TBC1D4: variants seen among roughly 807,000 people sequenced by gnomAD.
TBC1D4 encodes TBC (Tre-2, BUB2, CDC16) domain-containing protein.
A neutral mutation model predicts 142.5 loss-of-function variants in TBC1D4; 121 were observed. The observed-to-expected ratio is 0.85, with a 90% CI of 0.73 to 0.99. TBC1D4 has a LOEUF of 0.99. Ranked by LOEUF, TBC1D4 falls within the 50% of genes least tolerant of loss-of-function variation. The pLI is 0.00. For missense variants in TBC1D4, 1,475 were observed against 1,606.6 expected, an observed-to-expected ratio of 0.92 and a Z score of 1.40; for synonymous variants, 630 against 628.2, an observed-to-expected ratio of 1.00 and a Z score of -0.04.
intron 1 of TBC1D4, among the ~76,000 whole-genome samples, chr13:75,442,643 G>C (rs1887091387): frequency 6.6e-6 from 1 of 152,002 alleles, no homozygotes; most frequent in Non-Finnish European, 1.5e-5. Context: ...GCTGGGCGTG[G>C]TGGTGCACAC....
intron 1 of TBC1D4, among the ~76,000 whole-genome samples, chr13:75,432,850 G>A (rs187744124): frequency 6.6e-6 from 1 of 151,570 alleles, no homozygotes; most frequent in Non-Finnish European, 1.5e-5. Context: ...TGCCTGTCTG[G>A]AGAATGTCGT....
chr13:75,349,494 T>A (rs1331915792), intron 4 of TBC1D4, among the ~76,000 whole-genome samples, 192 bp from the exon 5 acceptor site: 2 of 152,222 alleles, frequency 1.3e-5, no homozygotes, highest in African/African-American at 4.8e-5. Flanking sequence ...GAAAGCTGGA[T>A]GAAGTAAGAT....
At chr13:75,354,585 A>C (rs1881882784) in intron 4 of TBC1D4, among the ~76,000 whole-genome samples, 1 of 152,158 alleles carries the variant, frequency 6.6e-6, no homozygotes, top group South Asian at 2.1e-4. Flanking sequence ...GGTATATGAT[A>C]GTTTTTAGAA....
At chr13:75,387,645 A>C (rs2138284972) in intron 1 of TBC1D4, among the ~76,000 whole-genome samples, 1 of 152,368 alleles carries the variant, frequency 6.6e-6, no homozygotes, top group East Asian at 1.9e-4. Flanking sequence ...AGTGACAAAC[A>C]GAAGTTTTTC....
At chr13:75,445,398 T>C (rs1887233776) in intron 1 of TBC1D4, among the ~76,000 whole-genome samples, 1 of 152,226 alleles carries the variant, frequency 6.6e-6, no homozygotes, top group African/African-American at 2.4e-5. Flanking sequence ...GATACTCAAA[T>C]ATGAATTAGC....
intron 10 of TBC1D4, 100 bp downstream of exon 10, chr13:75,326,096 AG>A: frequency 7.4e-7 from 1 of 1,349,660 alleles, no homozygotes; most frequent in Non-Finnish European, 1.0e-6. Context: ...CAAAACTAAA[AG>A]TTGGCTACAG....
chr13:75,319,072 G>A (rs911024845), intron 12 of TBC1D4, among the ~76,000 whole-genome samples: 3 of 152,104 alleles, frequency 2.0e-5, no homozygotes, highest in Non-Finnish European at 4.4e-5. Flanking sequence ...ATTTCCATTA[G>A]GCTTTTAAGA....
At chr13:75,313,929 T>TC (rs1878034408) in intron 12 of TBC1D4, among the ~76,000 whole-genome samples, 1 of 152,288 alleles carries the variant, frequency 6.6e-6, no homozygotes, top group East Asian at 1.9e-4. Context: ...GTATAGAAAT[T>TC]CCCCAACTTA....
At chr13:75,412,660 T>C (rs943530829) in intron 1 of TBC1D4, among the ~76,000 whole-genome samples, 5 of 152,116 alleles carry the variant, frequency 3.3e-5, no homozygotes, top group Non-Finnish European at 7.3e-5. Context: ...ATAAACTAAA[T>C]TGATTCCACA....
chr13:75,386,878 T>C (rs1403876725), intron 1 of TBC1D4, among the ~76,000 whole-genome samples: 1 of 152,184 alleles, frequency 6.6e-6, no homozygotes. Flanking sequence ...ATCTCCTTTT[T>C]GTGCTTGAAA....
At chr13:75,373,212 A>G (rs1052239423) in intron 1 of TBC1D4, among the ~76,000 whole-genome samples, 6 of 152,212 alleles carry the variant, frequency 3.9e-5, no homozygotes, top group Non-Finnish European at 8.8e-5. Flanking sequence ...CACATTTCTC[A>G]GAAACCTATT....
intron 7 of TBC1D4, 62 bp from the exon 8 acceptor site, chr13:75,337,102 A>G: frequency 2.0e-6 from 3 of 1,491,958 alleles, no homozygotes; most frequent in Non-Finnish European, 2.8e-6. Flanking sequence ...TGAAACTTTA[A>G]TTATAGGCTT....
Position 75,326,360 on chromosome 13 carries a change from G to A in TBC1D4, c.1870C>T (p.Gln624Ter), listed in dbSNP as rs761729842. Reference sequence around the variant, plus strand: ...TCGGAATCCTCTTCGGGAAACGTTTGCCAAGCTGAGGACGGTGGGGACGCT... The same window carrying A: ...TCGGAATCCTCTTCGGGAAACGTTTACCAAGCTGAGGACGGTGGGGACGCT... ...PPASPPSSAWQTFPEEDSDSP... is the reference protein window; with the variant it reads ...PPASPPSSAW The change falls in exon 10 of 21, where the codon CAA (glutamine) becomes TAA (stop). Residue 624 changes from glutamine to a stop codon, truncating the protein, a stop_gained. Transcript: ENST00000377636. LOFTEE classifies it high-confidence loss of function. 3.1e-6 allele frequency: 5 copies of A among 1,614,036 alleles called. No individual in the cohort carries two copies. Among genetic ancestry groups the A allele is most frequent in the Non-Finnish European group, 3.4e-6 (4 of 1,180,040 alleles).
chr13:75,314,793 C>G (rs1416442792), intron 12 of TBC1D4, among the ~76,000 whole-genome samples: 4 of 143,240 alleles, frequency 2.8e-5, no homozygotes, highest in Admixed American at 7.0e-5. Flanking sequence ...ATGGTGAAAC[C>G]CTGTCTCAAC....
At chr13:75,425,896 T>C (rs1886353854) in intron 1 of TBC1D4, among the ~76,000 whole-genome samples, 1 of 152,156 alleles carries the variant, frequency 6.6e-6, no homozygotes, top group Non-Finnish European at 1.5e-5. Context: ...CTGTACATCA[T>C]GGTGACCATA....
Position 75,286,680 on chromosome 13 carries a change from G to C in TBC1D4, c.*112C>G. On this transcript the variant is annotated 3_prime_UTR_variant, in exon 21 of 21. Coordinates refer to ENST00000377636, the MANE Select transcript of TBC1D4 (RefSeq NM_014832.5). ...TGCTGTGACTAGGCGCTCAGCACCAGTATTAGGTGGTTCCATCAGCTTCAG... is the reference window on the plus strand; with the variant it reads ...TGCTGTGACTAGGCGCTCAGCACCACTATTAGGTGGTTCCATCAGCTTCAG... 8 of 1,053,268 alleles carry C rather than the reference G, an allele frequency of 7.6e-6. No homozygotes were observed. The highest frequency in any genetic ancestry group is 1.2e-5 in the Non-Finnish European group (8 of 695,414). 65.2% of individuals were successfully genotyped at this position (1,053,268 alleles called of 1,614,324 possible).
chr13:75,367,775 C>T (rs892459754), intron 1 of TBC1D4, among the ~76,000 whole-genome samples: 2 of 151,986 alleles, frequency 1.3e-5, no homozygotes, highest in Non-Finnish European at 2.9e-5. Context: ...ATGTTGAAAG[C>T]GTAATGGTAT....
At chr13:75,458,121 C>A (rs536208828) in intron 1 of TBC1D4, among the ~76,000 whole-genome samples, 2 of 152,226 alleles carry the variant, frequency 1.3e-5, no homozygotes, top group South Asian at 2.1e-4. Context: ...CCTTGTCTGG[C>A]ATCCAGGAGG....
intron 1 of TBC1D4, among the ~76,000 whole-genome samples, chr13:75,401,247 T>C (rs375312548): frequency 1.3e-5 from 2 of 152,338 alleles, no homozygotes; most frequent in South Asian, 4.1e-4. Flanking sequence ...ATTAGTTCTC[T>C]TACTTCTTTT....
Sources: allele counts gnomAD v4.1 joint callset (sites outside exome capture counted in the v4.1 genomes callset), GRCh38; gene constraint gnomAD v4.1.1; transcripts MANE v1.5; gene names NCBI Gene and HGNC (gene_info 2026-07-23, HGNC 2026-07-21).